The following RBM47 variants were observed in gnomAD, a reference collection of about 807,000 sequenced individuals.
The protein encoded by RBM47 is RNA binding motif protein 47.
In RBM47, 21 loss-of-function variants were observed where a neutral mutation model predicts 47.1. The ratio of observed to expected loss-of-function variants is 0.45; its 90% confidence interval spans 0.32 to 0.64. RBM47 has a LOEUF of 0.64. RBM47 is among the 30% of genes least tolerant of loss of function. The pLI is 0.05. For synonymous variants in RBM47, 375 were observed against 361.7 expected, an observed-to-expected ratio of 1.04 and a Z score of -0.42; for missense variants, 708 against 870.9, an observed-to-expected ratio of 0.81 and a Z score of 2.35.
chr4:40,587,150 A>G (rs1733671220), intron 1 of RBM47, among the ~76,000 whole-genome samples: 1 of 152,134 alleles, frequency 6.6e-6, no homozygotes, highest in Non-Finnish European at 1.5e-5. Context: ...CAGGACTCTG[A>G]ACTGGGGCTG....
chr4:40,520,532 A>G (rs967591599), intron 2 of RBM47, among the ~76,000 whole-genome samples: 5 of 152,216 alleles, frequency 3.3e-5, no homozygotes, highest in Non-Finnish European at 7.3e-5. Flanking sequence ...GGCCTGCAGA[A>G]TAGTTTCAGC....
At chr4:40,500,142 C>G (rs1322200209) in intron 2 of RBM47, among the ~76,000 whole-genome samples, 1 of 152,132 alleles carries the variant, frequency 6.6e-6, no homozygotes, top group Non-Finnish European at 1.5e-5. Flanking sequence ...GAGTGAAATC[C>G]CGTTCTACTA....
chr4:40,599,259 A>G (rs1296374019), intron 1 of RBM47, among the ~76,000 whole-genome samples: 4 of 149,540 alleles, frequency 2.7e-5, no homozygotes, highest in Middle Eastern at 3.4e-3. Flanking sequence ...CTCCGTCTCA[A>G]AAAAAAAAAA....
intron 5 of RBM47, among the ~76,000 whole-genome samples, chr4:40,436,191 C>A (rs278967): frequency 0.71 from 84,655 of 119,898 alleles, 25,268 homozygotes; most frequent in South Asian, 0.8. Context: ...AAAAAACAAA[C>A]AAACAAACAA....
intron 1 of RBM47, among the ~76,000 whole-genome samples, chr4:40,596,753 G>C (rs1352319535): frequency 1.3e-5 from 2 of 152,014 alleles, no homozygotes; most frequent in Non-Finnish European, 2.9e-5. Flanking sequence ...ACAGGAAAAA[G>C]GACGTCCTTG....
chr4:40,430,146 G>A (rs1715723190), intron 6 of RBM47, among the ~76,000 whole-genome samples: 1 of 152,022 alleles, frequency 6.6e-6, no homozygotes, highest in South Asian at 2.1e-4. Flanking sequence ...AGTAAGCCGA[G>A]ATCACGCCAC....
chr4:40,581,441 TAAA>T (rs1732923389), intron 1 of RBM47, among the ~76,000 whole-genome samples: 5 of 147,232 alleles, frequency 3.4e-5, no homozygotes, highest in African/African-American at 1.3e-4. Context: ...TAATAATAAA[TAAA>T]TAAATAAATA....
chr4:40,581,793 G>T (rs1240020609), intron 1 of RBM47, among the ~76,000 whole-genome samples: 1 of 151,818 alleles, frequency 6.6e-6, no homozygotes, highest in Admixed American at 6.6e-5. Flanking sequence ...GAAGTGAAAG[G>T]GAGCTTCAGC....
chr4:40,579,749 ATT>A (rs60806221), intron 1 of RBM47, among the ~76,000 whole-genome samples: 20,217 of 145,736 alleles, frequency 0.14, 1,430 homozygotes, highest in Admixed American at 0.18. Flanking sequence ...CTTTAGGGTA[ATT>A]TTTTTTTTTT....
chr4:40,504,790 T>C lies in RBM47; in HGVS notation c.-154-38091A>G, dbSNP rs574999538. The stretch of plus-strand genomic sequence containing the variant: ...CCACCCACCAAAAATTATCACCATT[T>C]AATTTGTCCACCTTCTATTCACATT... On this transcript the variant is annotated intron_variant, in intron 2 of 6. Transcript: ENST00000295971. 5.1e-4 allele frequency among the ~76,000 whole-genome samples: 78 copies of C among 152,222 alleles called. 1 individual carries two copies. The highest frequency in any genetic ancestry group is 2.4e-4 in the Non-Finnish European group (16 of 68,038).
intron 1 of RBM47, among the ~76,000 whole-genome samples, chr4:40,610,610 CAAAAAAAAAAA>C (rs34149753): frequency 7.6e-5 from 4 of 52,808 alleles, no homozygotes; most frequent in Admixed American, 2.3e-4. Flanking sequence ...GACTCCATCT[CAAAAAAAAAAA>C]AAAAAAAAAA....
At chr4:40,508,665 C>T (rs1248581175) in intron 2 of RBM47, among the ~76,000 whole-genome samples, 1 of 152,096 alleles carries the variant, frequency 6.6e-6, no homozygotes, top group African/African-American at 2.4e-5. Context: ...TATGGTGATA[C>T]AAGTCAGAAT....
intron 3 of RBM47, among the ~76,000 whole-genome samples, chr4:40,456,126 C>A (rs1257862470): frequency 6.6e-6 from 1 of 152,134 alleles, no homozygotes; most frequent in Non-Finnish European, 1.5e-5. Context: ...GTATTATGTT[C>A]TTTTTATCAC....
chr4:40,491,309 T>C (rs1008585286), intron 2 of RBM47, among the ~76,000 whole-genome samples: 11 of 152,166 alleles, frequency 7.2e-5, no homozygotes, highest in African/African-American at 1.2e-4. Flanking sequence ...ATTCATATCA[T>C]ATACAAAAAT....
At chr4:40,477,185 AAAAC>A (rs1312316551) in intron 2 of RBM47, among the ~76,000 whole-genome samples, 5 of 152,216 alleles carry the variant, frequency 3.3e-5, no homozygotes, top group East Asian at 3.8e-4. Flanking sequence ...TCCGTCTCGA[AAAAC>A]AAACAAACAA....
intron 1 of RBM47, among the ~76,000 whole-genome samples, chr4:40,569,994 G>A (rs1731559364): frequency 6.6e-6 from 1 of 152,088 alleles, no homozygotes; most frequent in East Asian, 1.9e-4. Context: ...TTACAGGCAT[G>A]AGCCACTATG....
intron 2 of RBM47, among the ~76,000 whole-genome samples, chr4:40,510,581 G>GT (rs956897524): frequency 4.6e-5 from 7 of 152,304 alleles, no homozygotes; most frequent in Non-Finnish European, 1.0e-4. Context: ...AGGTCACCTT[G>GT]AAGAGGTGAC....
intron 2 of RBM47, among the ~76,000 whole-genome samples, chr4:40,517,978 C>T (rs919373479): frequency 6.6e-6 from 1 of 151,998 alleles, no homozygotes; most frequent in Admixed American, 6.6e-5. Flanking sequence ...CCCATGGATA[C>T]AGAAGGATCA....
chr4:40,539,522 C>T (rs1728289593), intron 2 of RBM47, among the ~76,000 whole-genome samples: 1 of 151,926 alleles, frequency 6.6e-6, no homozygotes, highest in Non-Finnish European at 1.5e-5. Flanking sequence ...AGGTGGATCA[C>T]CTGAGGTCAG....
Sources: gnomAD v4.1 joint callset for allele counts (sites outside exome capture counted in the v4.1 genomes callset) on GRCh38, gnomAD v4.1.1 for gene constraint, MANE v1.5 for transcripts, NCBI Gene and HGNC (gene_info 2026-07-23, HGNC 2026-07-21) for gene names.